The following ADAM22 variants were observed in gnomAD, a reference collection of about 807,000 sequenced individuals.
ADAM22 encodes the protein disintegrin and metalloproteinase domain-containing protein 22.
Under a neutral mutation model 144.6 loss-of-function variants are expected in ADAM22, and 65 were observed. That is an observed-to-expected ratio of 0.45 (90% CI 0.37 to 0.55). ADAM22 has a LOEUF of 0.55. Among genes scored for constraint, ADAM22 ranks in the 20% least tolerant of loss-of-function variants. ADAM22 has a pLI of 0.00. For missense variants in ADAM22, 974 were observed against 1,184.9 expected (o/e 0.82, Z 2.61); for synonymous variants, 391 against 412.6 (o/e 0.95, Z 0.63).
chr7:88,153,173 A>T (rs1308196184), intron 20 of ADAM22, 48 bp from the exon 21 acceptor site: 1 of 1,353,028 alleles, frequency 7.4e-7, no homozygotes, highest in Non-Finnish European at 1.0e-6. Flanking sequence ...GCTTTTGAGC[A>T]GCCAAATCGT....
intron 2 of ADAM22, among the ~76,000 whole-genome samples, chr7:87,940,181 CAA>C (rs35309253): frequency 0.011 from 800 of 75,984 alleles, 3 homozygotes; most frequent in African/African-American, 0.033. Context: ...GTCTTTATCT[CAA>C]AAAAAAAAAA....
In ADAM22 at chr7:88,078,741, G is replaced by A. The variant is rs113096797; in HGVS notation, c.390+3049G>A. On this transcript the variant is annotated intron_variant, in intron 4 of 31. Coordinates refer to ENST00000413139, the MANE Select transcript of ADAM22 (RefSeq NM_001324418.2). Reference sequence around the variant, plus strand: ...CCGATGTGATCAACTGGAAGAAAGGGTATCAGTGATGGAAGATGAAATGAA... The same window carrying A: ...CCGATGTGATCAACTGGAAGAAAGGATATCAGTGATGGAAGATGAAATGAA... Among the ~76,000 whole-genome samples the A allele has an allele frequency of 5.5e-3, 839 of 152,286 alleles. 11 individuals carry two copies. The highest frequency in any genetic ancestry group is 0.037 in the East Asian group (194 of 5,184).
At chr7:88,053,125 T>C (rs1806975968) in intron 3 of ADAM22, among the ~76,000 whole-genome samples, 1 of 152,182 alleles carries the variant, frequency 6.6e-6, no homozygotes, top group Non-Finnish European at 1.5e-5. Context: ...CATGTATTCA[T>C]GTATGCATGT....
intron 14 of ADAM22, among the ~76,000 whole-genome samples, chr7:88,137,161 G>A (rs1007721661): frequency 5.9e-5 from 9 of 152,116 alleles, no homozygotes; most frequent in Non-Finnish European, 7.4e-5. Flanking sequence ...TTCAGTTTAT[G>A]TGAAATACAT....
intron 4 of ADAM22, among the ~76,000 whole-genome samples, chr7:88,079,123 G>A (rs1243047772): frequency 2.0e-5 from 3 of 152,158 alleles, no homozygotes; most frequent in Non-Finnish European, 2.9e-5. Context: ...ACAAAGGGAA[G>A]CCCATCAGAC....
intron 30 of ADAM22, among the ~76,000 whole-genome samples, chr7:88,192,284 C>T (rs1849790831): frequency 6.6e-6 from 1 of 152,196 alleles, no homozygotes; most frequent in Non-Finnish European, 1.5e-5. Context: ...ACAGTTATCA[C>T]ATCTGTTTTT....
intron 25 of ADAM22, among the ~76,000 whole-genome samples, chr7:88,170,132 C>A (rs1006193232): frequency 6.6e-6 from 1 of 151,878 alleles, no homozygotes; most frequent in South Asian, 2.1e-4. Context: ...TTAATAAGAT[C>A]CACTTAGCTG....
At chr7:88,045,774 A>G (rs1489810985) in intron 3 of ADAM22, among the ~76,000 whole-genome samples, 2 of 152,072 alleles carry the variant, frequency 1.3e-5, no homozygotes, top group African/African-American at 4.8e-5. Context: ...AAATGAGATC[A>G]TGTAGTATTT....
intron 2 of ADAM22, among the ~76,000 whole-genome samples, chr7:87,946,889 T>G (rs1390691701): frequency 6.6e-6 from 1 of 152,144 alleles, no homozygotes; most frequent in Non-Finnish European, 1.5e-5. Context: ...ATAATGATAT[T>G]ATATCCTTTG....
At chr7:87,954,638 G>A (rs1189593821) in intron 2 of ADAM22, among the ~76,000 whole-genome samples, 8 of 151,230 alleles carry the variant, frequency 5.3e-5, no homozygotes, top group Non-Finnish European at 1.0e-4. Context: ...TGCTCTTCTC[G>A]AGGAGTATCT....
chr7:87,938,437 T>C (rs1048627932), intron 2 of ADAM22, among the ~76,000 whole-genome samples: 3 of 151,766 alleles, frequency 2.0e-5, no homozygotes, highest in African/African-American at 7.3e-5. Flanking sequence ...CAGGCTGGTC[T>C]AGAACTCCTG....
At chr7:88,116,284 A>C (rs2129490333) in intron 6 of ADAM22, among the ~76,000 whole-genome samples, 1 of 152,240 alleles carries the variant, frequency 6.6e-6, no homozygotes, top group Non-Finnish European at 1.5e-5. Context: ...CTTGTATGAC[A>C]CTTGAATTTC....
At chr7:88,074,034 C>T (rs1440371300) in intron 3 of ADAM22, among the ~76,000 whole-genome samples, 4 of 152,132 alleles carry the variant, frequency 2.6e-5, no homozygotes, top group African/African-American at 9.7e-5. Context: ...TTTTGATTGT[C>T]ATGACTGGTG....
intron 4 of ADAM22, among the ~76,000 whole-genome samples, chr7:88,100,223 A>G (rs1822542844): frequency 6.6e-6 from 1 of 152,218 alleles, no homozygotes; most frequent in Admixed American, 6.5e-5. Flanking sequence ...TTTAAATAAT[A>G]AAGGTAAGGA....
intron 2 of ADAM22, among the ~76,000 whole-genome samples, chr7:87,937,775 G>T (rs1216048862): frequency 6.6e-6 from 1 of 152,164 alleles, no homozygotes; most frequent in Non-Finnish European, 1.5e-5. Flanking sequence ...TGAATTGGTA[G>T]GATTTAGGTT....
intron 2 of ADAM22, among the ~76,000 whole-genome samples, chr7:87,945,807 C>T (rs1843568686): frequency 6.6e-6 from 1 of 152,116 alleles, no homozygotes; most frequent in Non-Finnish European, 1.5e-5. Context: ...ACCACCACGC[C>T]CGGCTGAAGC....
At chr7:88,039,755 A>T (rs1409644660) in intron 3 of ADAM22, among the ~76,000 whole-genome samples, 1 of 151,540 alleles carries the variant, frequency 6.6e-6, no homozygotes. Flanking sequence ...TATCTGTGTT[A>T]TTCTACTGAA....
chr7:87,999,430 G>T (rs914204072), intron 3 of ADAM22, among the ~76,000 whole-genome samples: 3 of 152,116 alleles, frequency 2.0e-5, no homozygotes, highest in Non-Finnish European at 4.4e-5. Context: ...AGACTCATTT[G>T]CCAAGGGTCA....
At chr7:88,126,206 T>G (rs1306685168) in intron 8 of ADAM22, among the ~76,000 whole-genome samples, 1 of 152,080 alleles carries the variant, frequency 6.6e-6, no homozygotes, top group Non-Finnish European at 1.5e-5. Flanking sequence ...TCGGTACTAT[T>G]ATTCCCCTTT....
Sources: allele counts gnomAD v4.1 joint callset (sites outside exome capture counted in the v4.1 genomes callset), GRCh38; gene constraint gnomAD v4.1.1; transcripts MANE v1.5; gene names NCBI Gene and HGNC (gene_info 2026-07-23, HGNC 2026-07-21).